The following POFUT3 variants were observed in gnomAD, a reference collection of about 807,000 sequenced individuals.
POFUT3 encodes the protein protein O-fucosyltransferase 3, also known as GDP-fucose protein O-fucosyltransferase 3.
At chr8:33,415,247 G>A in the POFUT3 span, among the ~76,000 whole-genome samples, 1 of 152,142 alleles carries the variant, frequency 6.6e-6, no homozygotes, top group African/African-American at 2.4e-5. Flanking sequence ...GTGCAACACA[G>A]TGAGACTCTG....
At chr8:33,397,466 C>T in the POFUT3 span, among the ~76,000 whole-genome samples, 1 of 152,162 alleles carries the variant, frequency 6.6e-6, no homozygotes, top group Non-Finnish European at 1.5e-5. Flanking sequence ...CATGTCACCA[C>T]TGCTGCTACT....
At chr8:33,353,512 T>C in the POFUT3 span, among the ~76,000 whole-genome samples, 2 of 152,174 alleles carry the variant, frequency 1.3e-5, no homozygotes, top group Non-Finnish European at 2.9e-5. Context: ...CAAAACAGAT[T>C]CTTTCTCGTC....
the POFUT3 span, among the ~76,000 whole-genome samples, chr8:33,421,565 CA>C: frequency 6.6e-6 from 1 of 151,686 alleles, no homozygotes; most frequent in Admixed American, 6.6e-5. Flanking sequence ...GAGTTCTAAA[CA>C]AATGTTTATT....
At chr8:33,369,648 G>C in the POFUT3 span, among the ~76,000 whole-genome samples, 7 of 152,046 alleles carry the variant, frequency 4.6e-5, no homozygotes, top group African/African-American at 1.7e-4. Context: ...GCATTTTACT[G>C]GGCAGGTCGG....
chr8:33,373,274 T>G, the POFUT3 span, among the ~76,000 whole-genome samples: 1 of 152,232 alleles, frequency 6.6e-6, no homozygotes, highest in African/African-American at 2.4e-5. Flanking sequence ...TTATTTTTAA[T>G]ATACTTATAT....
At chr8:33,413,634 C>G in the POFUT3 span, among the ~76,000 whole-genome samples, 5 of 152,218 alleles carry the variant, frequency 3.3e-5, no homozygotes, top group African/African-American at 1.2e-4. Context: ...CCTCTGCCAT[C>G]TCTGTCCTTC....
chr8:33,464,183 T>C, the POFUT3 span, among the ~76,000 whole-genome samples: 1 of 152,204 alleles, frequency 6.6e-6, no homozygotes, highest in Non-Finnish European at 1.5e-5. Flanking sequence ...ATTTAAATAT[T>C]ATTGTAATTT....
At chr8:33,389,765 G>A in the POFUT3 span, 1 of 1,614,028 alleles carries the variant, frequency 6.2e-7, no homozygotes, top group Non-Finnish European at 8.5e-7. Flanking sequence ...GGCTTTCCGA[G>A]GCAGAGGTAA....
the POFUT3 span, among the ~76,000 whole-genome samples, chr8:33,309,155 AAAAAAAAAAAAAATAT>A: frequency 6.5e-5 from 3 of 45,896 alleles, no homozygotes; most frequent in Admixed American, 2.2e-4. Context: ...AAAAAAAAAA[AAAAAAAAAAAAAATAT>A]ATATATATAT....
At chr8:33,436,431 G>T in the POFUT3 span, 1 of 1,442,648 alleles carries the variant, frequency 6.9e-7, no homozygotes, top group African/African-American at 1.4e-5. Flanking sequence ...GCTCCTTATT[G>T]GTACAGGTGG....
At chr8:33,416,557 C>G in the POFUT3 span, among the ~76,000 whole-genome samples, 2 of 151,952 alleles carry the variant, frequency 1.3e-5, no homozygotes, top group East Asian at 3.9e-4. Context: ...ACTAAAAATA[C>G]AAAATTTGCC....
At chr8:33,353,966 C>T in the POFUT3 span, among the ~76,000 whole-genome samples, 2 of 152,128 alleles carry the variant, frequency 1.3e-5, no homozygotes, top group East Asian at 3.9e-4. Context: ...TACAATTCTG[C>T]TTCACCAACT....
At chr8:33,420,807 C>G in the POFUT3 span, among the ~76,000 whole-genome samples, 1 of 151,320 alleles carries the variant, frequency 6.6e-6, no homozygotes, top group Non-Finnish European at 1.5e-5. Context: ...ATTGAACATT[C>G]CCAATACAAA....
chr8:33,322,371 G>A, the POFUT3 span, among the ~76,000 whole-genome samples: 1 of 152,106 alleles, frequency 6.6e-6, no homozygotes, highest in Non-Finnish European at 1.5e-5. Context: ...TTAATAGGGA[G>A]CATGATCTTC....
At chr8:33,422,259 C>T in the POFUT3 span, among the ~76,000 whole-genome samples, 1 of 150,952 alleles carries the variant, frequency 6.6e-6, no homozygotes, top group Non-Finnish European at 1.5e-5. Context: ...TTTCGGTTTC[C>T]AGGCCTGGCG....
At chr8:33,320,582 G>A in the POFUT3 span, among the ~76,000 whole-genome samples, 1 of 152,060 alleles carries the variant, frequency 6.6e-6, no homozygotes, top group Admixed American at 6.6e-5. Flanking sequence ...CTTCAGCCAA[G>A]CTAGGTAGTT....
the POFUT3 span, among the ~76,000 whole-genome samples, chr8:33,327,471 T>C: frequency 6.6e-5 from 10 of 152,164 alleles, no homozygotes; most frequent in Admixed American, 4.6e-4. Context: ...GGGTATTCAA[T>C]GACTGTCTGA....
the POFUT3 span, among the ~76,000 whole-genome samples, chr8:33,399,905 CG>C: frequency 6.6e-6 from 1 of 151,872 alleles, no homozygotes; most frequent in Non-Finnish European, 1.5e-5. Context: ...CCGCCCATCT[CG>C]GCCTCCCAAA....
the POFUT3 span, among the ~76,000 whole-genome samples, chr8:33,393,014 A>T: frequency 6.6e-6 from 1 of 152,116 alleles, no homozygotes; most frequent in Non-Finnish European, 1.5e-5. Context: ...AAAAAGAACC[A>T]TGACCAACCT....
Sources: allele counts gnomAD v4.1 joint callset (sites outside exome capture counted in the v4.1 genomes callset), GRCh38; gene constraint gnomAD v4.1.1; transcripts MANE v1.5; gene names NCBI Gene and HGNC (gene_info 2026-07-23, HGNC 2026-07-21).